Variants in ITSN1 observed in about 807,000 individuals in gnomAD.
ITSN1 encodes intersectin 1.
Under a neutral mutation model 239.8 loss-of-function variants are expected in ITSN1, and 58 were observed. The observed-to-expected ratio is 0.24, with a 90% confidence interval of 0.20 to 0.30. The LOEUF (loss-of-function observed/expected upper bound fraction) is 0.30. Among genes scored for constraint, ITSN1 ranks in the 10% least tolerant of loss-of-function variants. ITSN1 has a pLI of 1.00. For missense variants in ITSN1, 1,558 were observed against 2,103.3 expected (o/e 0.74, Z 5.07); for synonymous variants, 780 against 770.8 (o/e 1.01, Z -0.20).
At chr21:33,809,041 C>T (rs1290282660) in intron 20 of ITSN1, among the ~76,000 whole-genome samples, 1 of 152,194 alleles carries the variant, frequency 6.6e-6, no homozygotes, top group East Asian at 1.9e-4. Flanking sequence ...GAAGGAAAGA[C>T]ATCTAGCCAT....
At chr21:33,671,285 T>TTTTG (rs971298857) in intron 1 of ITSN1, among the ~76,000 whole-genome samples, 6 of 152,152 alleles carry the variant, frequency 3.9e-5, no homozygotes, top group South Asian at 2.1e-4. Flanking sequence ...TTTTCTTGTT[T>TTTTG]TTTGTTTGTT....
chr21:33,874,927 G>T (rs895673599), intron 33 of ITSN1, among the ~76,000 whole-genome samples: 2 of 152,196 alleles, frequency 1.3e-5, no homozygotes, highest in African/African-American at 4.8e-5. Flanking sequence ...GATTACAGGC[G>T]TGAGCCACTG....
chr21:33,725,719 A>G (rs2065793879), intron 4 of ITSN1, among the ~76,000 whole-genome samples: 1 of 152,220 alleles, frequency 6.6e-6, no homozygotes, highest in Admixed American at 6.5e-5. Context: ...GATTGAATGA[A>G]TCTTTAATTT....
At chr21:33,655,858 T>A (rs1871965397) in intron 1 of ITSN1, among the ~76,000 whole-genome samples, 1 of 151,880 alleles carries the variant, frequency 6.6e-6, no homozygotes. Flanking sequence ...GTATCAGGAA[T>A]CCTTAACTTA....
intron 5 of ITSN1, among the ~76,000 whole-genome samples, chr21:33,742,042 A>G (rs1189903098): frequency 6.6e-6 from 1 of 151,958 alleles, no homozygotes; most frequent in African/African-American, 2.4e-5. Context: ...GTGTTCAACA[A>G]CACTATTTTT....
chr21:33,861,032 G>A (rs984094133), intron 31 of ITSN1, among the ~76,000 whole-genome samples: 1 of 152,132 alleles, frequency 6.6e-6, no homozygotes, highest in African/African-American at 2.4e-5. Flanking sequence ...GGACTAACTG[G>A]CTCATGTCTT....
chr21:33,817,242 C>T (rs753305387), intron 22 of ITSN1: 1 of 1,299,958 alleles, frequency 7.7e-7, no homozygotes, highest in South Asian at 1.2e-5. Flanking sequence ...CTGACTTCCT[C>T]CTCCACCCCT....
chr21:33,805,931 C>G (rs1008220036), intron 20 of ITSN1, among the ~76,000 whole-genome samples: 11 of 143,988 alleles, frequency 7.6e-5, no homozygotes, highest in African/African-American at 2.8e-4. Flanking sequence ...AGGCCGGGCG[C>G]GGTGGCTCAC....
intron 29 of ITSN1, among the ~76,000 whole-genome samples, chr21:33,848,754 C>T (rs886213361): frequency 6.6e-6 from 1 of 152,252 alleles, no homozygotes; most frequent in Non-Finnish European, 1.5e-5. Flanking sequence ...CTCCTCTGCA[C>T]CTGCCCCCAG....
At chr21:33,779,059 C>G (rs2069918449) in intron 14 of ITSN1, among the ~76,000 whole-genome samples, 1 of 151,646 alleles carries the variant, frequency 6.6e-6, no homozygotes, top group African/African-American at 2.4e-5. Flanking sequence ...TTTTCTTGAT[C>G]AGTCTATCTG....
At chr21:33,660,345 C>T (rs114234132) in intron 1 of ITSN1, among the ~76,000 whole-genome samples, 2,233 of 152,184 alleles carry the variant, frequency 0.015, 65 homozygotes, top group African/African-American at 0.052. Flanking sequence ...TTGAGGTCCC[C>T]AAGGAACTTT....
intron 8 of ITSN1, among the ~76,000 whole-genome samples, chr21:33,759,943 A>C (rs1343395877): frequency 6.6e-6 from 1 of 152,028 alleles, no homozygotes; most frequent in African/African-American, 2.4e-5. Context: ...CTACTAAAAA[A>C]AATAGAAAAA....
chr21:33,707,316 G>A (rs190825264), intron 1 of ITSN1, among the ~76,000 whole-genome samples: 29 of 151,962 alleles, frequency 1.9e-4, no homozygotes, highest in African/African-American at 6.5e-4. Flanking sequence ...GTGTGTTGGG[G>A]GGTCTCACTA....
In ITSN1 at chr21:33,858,901, T is replaced by TAG. The variant is rs1399598960; in HGVS notation, c.3890+109_3890+110insAG. Reference sequence around the variant, plus strand: ...TTGCATGCTGCCCTGTGCTTCTTTCTGGCTTTTTTTTTTTCTTCTCATTGC... The same window carrying TAG: ...TTGCATGCTGCCCTGTGCTTCTTTCTAGGGCTTTTTTTTTTTCTTCTCATTGC... On this transcript the variant is annotated intron_variant, in intron 31 of 39. Coordinates refer to ENST00000381318, the MANE Select transcript of ITSN1 (RefSeq NM_003024.3). The TAG allele has an allele frequency of 7.2e-5, 41 of 572,582 alleles. No individual in the cohort carries two copies. The South Asian group carries it at 1.1e-3, about 15-fold the overall frequency. 35.5% of individuals were successfully genotyped at this position (572,582 alleles called of 1,614,324 possible). A position where few individuals can be genotyped will look rare whatever the true frequency, so the allele number is the denominator to read the frequency against.
chr21:33,858,912 T>A, intron 31 of ITSN1, 120 bp downstream of exon 31: 1 of 544,442 alleles, frequency 1.8e-6, no homozygotes, highest in South Asian at 3.1e-5. Context: ...GGCTTTTTTT[T>A]TTTCTTCTCA....
intron 1 of ITSN1, among the ~76,000 whole-genome samples, chr21:33,649,149 T>C (rs1201798620): frequency 6.6e-6 from 1 of 152,164 alleles, no homozygotes; most frequent in Non-Finnish European, 1.5e-5. Flanking sequence ...GTCCAGGTAG[T>C]TCCATGTTGG....
chr21:33,882,865 C>T lies in ITSN1; in HGVS notation c.4554+410C>T, dbSNP rs991042795. On this transcript the variant is annotated intron_variant, in intron 35 of 39. Coordinates refer to ENST00000381318, the MANE Select transcript of ITSN1 (RefSeq NM_003024.3). This position sits in a 1 kb window ranked among gnomAD's most constrained non-coding sequence, Gnocchi z 4.5. ...ACTTCTCCAGGTAGCTTGAAACATC[C>T]GAGCCCCCTCCTTTCTAGCAAAGTC... 1.3e-5 allele frequency among the ~76,000 whole-genome samples: 2 copies of T among 152,274 alleles called. No homozygotes were observed. Among genetic ancestry groups the T allele is most frequent in the African/African-American group, 2.4e-5 (1 of 41,562 alleles).
chr21:33,653,781 C>T (rs1015496761), intron 1 of ITSN1, among the ~76,000 whole-genome samples: 4 of 152,160 alleles, frequency 2.6e-5, no homozygotes, highest in Admixed American at 1.3e-4. Flanking sequence ...CTCGGCCTCC[C>T]ACAGTTCTGG....
Position 33,876,102 on chromosome 21 carries a change from CTTCT to C in ITSN1, c.4341+630_4341+633del, listed in dbSNP as rs750725563. Among the ~76,000 whole-genome samples, 1,009 of 110,128 alleles carry C rather than the reference CTTCT, an allele frequency of 9.2e-3. 15 individuals carry two copies. Among genetic ancestry groups the C allele is most frequent in the Middle Eastern group, 0.023 (5 of 216 alleles). 72.2% of individuals were successfully genotyped at this position (110,128 alleles called of 152,430 possible). A position where few individuals can be genotyped will look rare whatever the true frequency, so the allele number is the denominator to read the frequency against. ...TTTTTCTTTCCTCTTTCTTTCTTTCCTTCTTTCTTTCTTTCTTTCTTTCTTTCTT... is the reference window on the plus strand; with the variant it reads ...TTTTTCTTTCCTCTTTCTTTCTTTCCTTCTTTCTTTCTTTCTTTCTTTCTT... On this transcript the variant is annotated intron_variant, in intron 34 of 39. Transcript: ENST00000381318.
Sources: gnomAD v4.1 joint callset for allele counts (sites outside exome capture counted in the v4.1 genomes callset) on GRCh38, gnomAD v4.1.1 for gene constraint, Gnocchi (gnomAD v3.1) non-coding constraint, MANE v1.5 for transcripts, NCBI Gene and HGNC (gene_info 2026-07-23, HGNC 2026-07-21) for gene names.